The following MRTFA variants were observed in gnomAD, a reference collection of about 807,000 sequenced individuals.
MRTFA encodes the protein myocardin-related transcription factor A.
In MRTFA, 20 loss-of-function variants were observed where a neutral mutation model predicts 83.5. That is an observed-to-expected ratio of 0.24 (90% CI 0.17 to 0.35). The LOEUF (loss-of-function observed/expected upper bound fraction) is 0.35. Among genes scored for constraint, MRTFA ranks in the 10% least tolerant of loss-of-function variants. MRTFA has a pLI of 1.00. For synonymous variants in MRTFA, 659 were observed against 541.2 expected (o/e 1.22, Z -3.02); for missense variants, 1,200 against 1,224.7 (o/e 0.98, Z 0.30).
chr22:40,586,327 T>C (rs1417823357), intron 2 of MRTFA, among the ~76,000 whole-genome samples: 1 of 150,836 alleles, frequency 6.6e-6, no homozygotes, highest in Admixed American at 6.6e-5. Flanking sequence ...ATCACTGGAA[T>C]GCGAAGCACA....
chr22:40,583,181 T>C (rs989354798), intron 2 of MRTFA, among the ~76,000 whole-genome samples: 1 of 152,130 alleles, frequency 6.6e-6, no homozygotes, highest in African/African-American at 2.4e-5. Context: ...TCCCAGTAAC[T>C]TGAAGGCAAA....
intron 12 of MRTFA, 134 bp downstream of exon 12, chr22:40,418,240 C>G (rs1309571691): frequency 7.5e-6 from 11 of 1,465,050 alleles, no homozygotes; most frequent in Admixed American, 2.7e-5. Context: ...TCAGTACCCC[C>G]CTGGTGAAGG....
chr22:40,480,072 CACAACAAAGCTATGCAG>C (rs1465356302), intron 3 of MRTFA, among the ~76,000 whole-genome samples: 1 of 152,082 alleles, frequency 6.6e-6, no homozygotes, highest in African/African-American at 2.4e-5. Context: ...TCTTATTTCT[CACAACAAAGCTATGCAG>C]ACGATACAAC....
At chr22:40,577,034 G>A (rs2055877102) in intron 2 of MRTFA, among the ~76,000 whole-genome samples, 1 of 152,044 alleles carries the variant, frequency 6.6e-6, no homozygotes, top group Non-Finnish European at 1.5e-5. Context: ...ACCAGCCTGG[G>A]CAACATGGGG....
At chr22:40,481,663 G>A (rs2054093117) in intron 3 of MRTFA, among the ~76,000 whole-genome samples, 1 of 152,116 alleles carries the variant, frequency 6.6e-6, no homozygotes, top group East Asian at 1.9e-4. Context: ...TAAATAATAT[G>A]ACAAACCATA....
chr22:40,475,849 A>C (rs999618635), intron 3 of MRTFA, among the ~76,000 whole-genome samples: 2 of 152,240 alleles, frequency 1.3e-5, no homozygotes, highest in Non-Finnish European at 2.9e-5. Context: ...TAGGGTACAT[A>C]AAAATGGCGT....
In MRTFA at chr22:40,452,228, C is replaced by T. The variant is rs1037517990; in HGVS notation, c.307+10993G>A. Among the ~76,000 whole-genome samples the T allele has an allele frequency of 2.0e-5, 3 of 152,228 alleles. No homozygotes were observed. The East Asian group carries it at 5.8e-4, about 29-fold the overall frequency. ...CTTGATCTGTTGACCTCGTGATCCA[C>T]CTGCCTCGGCCTCCCCAAGTGCTGG... is the stretch of plus-strand genomic sequence containing the variant. On this transcript the variant is annotated intron_variant, in intron 4 of 14. Coordinates refer to ENST00000355630, the MANE Select transcript of MRTFA (RefSeq NM_020831.6).
At chr22:40,489,372 C>T (rs2054231559) in intron 3 of MRTFA, among the ~76,000 whole-genome samples, 2 of 149,558 alleles carry the variant, frequency 1.3e-5, no homozygotes, top group Non-Finnish European at 1.5e-5. Context: ...TTTATGGAGA[C>T]GGAGTCTCGT....
chr22:40,470,266 T>TATATAA (rs1569283482), intron 3 of MRTFA, among the ~76,000 whole-genome samples: 4 of 82,334 alleles, frequency 4.9e-5, no homozygotes, highest in Non-Finnish European at 1.1e-4. Flanking sequence ...TATATATATA[T>TATATAA]ATATATATAT....
intron 2 of MRTFA, among the ~76,000 whole-genome samples, chr22:40,558,355 C>T (rs754264120): frequency 1.3e-4 from 19 of 149,210 alleles, no homozygotes; most frequent in Admixed American, 4.7e-4. Context: ...GATCCTCCTA[C>T]CTAAACCTTC....
chr22:40,478,970 GAGGAGTGAATGATAC>G (rs1407137614), intron 3 of MRTFA, among the ~76,000 whole-genome samples: 1 of 152,130 alleles, frequency 6.6e-6, no homozygotes, highest in Non-Finnish European at 1.5e-5. Context: ...TACCATTCCA[GAGGAGTGAATGATAC>G]AGGAGTTAAG....
chr22:40,592,575 A>G (rs2056137575), intron 2 of MRTFA, among the ~76,000 whole-genome samples: 1 of 149,506 alleles, frequency 6.7e-6, no homozygotes, highest in South Asian at 2.1e-4. Flanking sequence ...TACAGCCTCT[A>G]CCTCCCAGGC....
intron 2 of MRTFA, among the ~76,000 whole-genome samples, chr22:40,564,812 C>T (rs1022041687): frequency 9.2e-5 from 14 of 152,064 alleles, no homozygotes; most frequent in Non-Finnish European, 4.4e-5. Context: ...CCGCCATTCC[C>T]GGCTCATTTT....
intron 2 of MRTFA, among the ~76,000 whole-genome samples, chr22:40,591,441 G>A (rs1022655986): frequency 2.0e-5 from 3 of 152,152 alleles, no homozygotes; most frequent in Non-Finnish European, 4.4e-5. Context: ...AATATATAAA[G>A]AAGAGGAGGA....
At chr22:40,550,839 T>C (rs577701492) in intron 3 of MRTFA, among the ~76,000 whole-genome samples, 2 of 74,642 alleles carry the variant, frequency 2.7e-5, no homozygotes, top group African/African-American at 7.4e-5. Context: ...TCTTTATCCA[T>C]TTTTTCTTTT....
chr22:40,524,973 A>G (rs1248788993), intron 3 of MRTFA, among the ~76,000 whole-genome samples: 1 of 152,084 alleles, frequency 6.6e-6, no homozygotes, highest in African/African-American at 2.4e-5. Flanking sequence ...ACACCCAGCT[A>G]ATTTTTTTGT....
In MRTFA at chr22:40,416,132, C is replaced by T. The variant is rs973863980; in HGVS notation, c.2578+854G>A. Reference sequence around the variant, plus strand: ...CAATGTGGTCCCACACGTGCCCCCTCCCCAGCTCACCCCATCAATGGCCAC... The same window carrying T: ...CAATGTGGTCCCACACGTGCCCCCTTCCCAGCTCACCCCATCAATGGCCAC... On this transcript the variant is annotated intron_variant, in intron 14 of 14. Coordinates refer to ENST00000355630, the MANE Select transcript of MRTFA (RefSeq NM_020831.6). The surrounding 1 kb of genome is among the most constrained non-coding windows in gnomAD (Gnocchi z 4.2). 6.6e-6 allele frequency among the ~76,000 whole-genome samples: 1 copy of T among 152,232 alleles called. No homozygotes were observed. The highest frequency in any genetic ancestry group is 2.4e-5 in the African/African-American group (1 of 41,468).
intron 3 of MRTFA, among the ~76,000 whole-genome samples, chr22:40,514,474 A>G (rs967676991): frequency 4.6e-5 from 6 of 129,128 alleles, no homozygotes; most frequent in Non-Finnish European, 8.4e-5. Flanking sequence ...TCCCTCCTAC[A>G]TTTTTTTTTT....
intron 2 of MRTFA, among the ~76,000 whole-genome samples, chr22:40,571,779 C>G (rs1230426107): frequency 1.3e-5 from 2 of 151,068 alleles, no homozygotes. Context: ...AAAAAAGCAG[C>G]CGGGCATGGT....
Sources: allele counts gnomAD v4.1 joint callset (sites outside exome capture counted in the v4.1 genomes callset), GRCh38; gene constraint gnomAD v4.1.1; non-coding constraint Gnocchi (gnomAD v3.1); transcripts MANE v1.5; gene names NCBI Gene and HGNC (gene_info 2026-07-23, HGNC 2026-07-21).